The following RAB10 variants were observed in gnomAD, a reference collection of about 807,000 sequenced individuals.
RAB10 encodes the protein ras-related protein Rab-10.
In RAB10, 5 loss-of-function variants were observed where a neutral mutation model predicts 25.7. The observed-to-expected ratio is 0.19, with a 90% CI of 0.10 to 0.41. The LOEUF is 0.41. Ranked by LOEUF, RAB10 falls within the 10% of genes least tolerant of loss-of-function variation. RAB10 has a pLI of 1.00. For missense variants in RAB10, 103 were observed against 245.8 expected, an observed-to-expected ratio of 0.42 and a Z score of 3.89; for synonymous variants, 89 against 86.4, an observed-to-expected ratio of 1.03 and a Z score of -0.16.
intron 1 of RAB10, among the ~76,000 whole-genome samples, chr2:26,073,161 A>G (rs1419496277): frequency 1.3e-5 from 2 of 152,336 alleles, no homozygotes; most frequent in South Asian, 2.1e-4. Context: ...GAACCACTTC[A>G]GGTTTGATTT....
chr2:26,088,441 C>T (rs371182869), intron 1 of RAB10, among the ~76,000 whole-genome samples: 20 of 152,266 alleles, frequency 1.3e-4, no homozygotes, highest in East Asian at 1.2e-3. Context: ...CCTGTGATTT[C>T]TGTGCTAATT....
intron 1 of RAB10, among the ~76,000 whole-genome samples, chr2:26,074,925 CAT>C (rs758331629): frequency 2.2e-4 from 33 of 152,274 alleles, no homozygotes; most frequent in Admixed American, 4.6e-4. Context: ...ACGGGTCTGG[CAT>C]ATAGTAAGCA....
rs1189255145 is a variant in RAB10 at position 26,081,225 on chromosome 2, T to G, written c.128-17437T>G. ...GAAATGTAAGTCCATTAAACCTCTT[T>G]CAATAGTAAATTACCCAGCCTTGGG... On this transcript the variant is annotated intron_variant, in intron 1 of 5. Coordinates refer to ENST00000264710, the MANE Select transcript of RAB10 (RefSeq NM_016131.5). Among the ~76,000 whole-genome samples, 4 of 152,186 alleles carry G rather than the reference T, an allele frequency of 2.6e-5. No individual in the cohort carries two copies. The East Asian group carries it at 5.8e-4, about 22-fold the overall frequency.
chr2:26,064,278 C>T lies in RAB10; in HGVS notation c.127+29543C>T, dbSNP rs565436977. 4.4e-4 allele frequency among the ~76,000 whole-genome samples: 67 copies of T among 152,176 alleles called. 2 individuals carry two copies. In the South Asian group the frequency reaches 0.013, roughly 29 times the overall value. On this transcript the variant is annotated intron_variant, in intron 1 of 5. Coordinates refer to ENST00000264710, the MANE Select transcript of RAB10 (RefSeq NM_016131.5). ...AAGCTTTTGCTTTGGTGATTGCAGA[C>T]GTTTATTTTTGCTTTAATGAATACA...
chr2:26,130,932 T>C (rs369517999), intron 5 of RAB10, among the ~76,000 whole-genome samples: 41 of 152,210 alleles, frequency 2.7e-4, no homozygotes, highest in African/African-American at 9.9e-4. Context: ...GAAACGCTCT[T>C]GTCTCTGTGT....
intron 1 of RAB10, among the ~76,000 whole-genome samples, chr2:26,055,026 CTTT>C (rs11286148): frequency 6.7e-6 from 1 of 149,810 alleles, no homozygotes; most frequent in Non-Finnish European, 1.5e-5. Flanking sequence ...TGAGCATAGT[CTTT>C]TTTTTTTACA....
intron 3 of RAB10, among the ~76,000 whole-genome samples, chr2:26,119,938 G>A (rs1469993074): frequency 2.6e-5 from 4 of 152,190 alleles, no homozygotes; most frequent in Non-Finnish European, 5.9e-5. Flanking sequence ...GAGTTGGCGT[G>A]GAGGTGTAGT....
At chr2:26,056,415 T>C (rs546891740) in intron 1 of RAB10, among the ~76,000 whole-genome samples, 7 of 152,068 alleles carry the variant, frequency 4.6e-5, no homozygotes, top group African/African-American at 1.7e-4. Flanking sequence ...GCCAGTATGG[T>C]CTCAATCTCC....
At chr2:26,057,978 C>T (rs1051488094) in intron 1 of RAB10, among the ~76,000 whole-genome samples, 47 of 152,088 alleles carry the variant, frequency 3.1e-4, no homozygotes, top group African/African-American at 1.1e-3. Flanking sequence ...GGGCTGATAA[C>T]CCCTACTTTG....
intron 2 of RAB10, among the ~76,000 whole-genome samples, chr2:26,107,343 CTT>C (rs1667486273): frequency 6.6e-6 from 1 of 151,422 alleles, no homozygotes; most frequent in Non-Finnish European, 1.5e-5. Context: ...ATTAATTAGA[CTT>C]TCACAAAATT....
chr2:26,055,547 C>T lies in RAB10; in HGVS notation c.127+20812C>T, dbSNP rs912913591. Among the ~76,000 whole-genome samples, 7 of 152,100 alleles carry T rather than the reference C, an allele frequency of 4.6e-5. No individual in the cohort carries two copies. The East Asian group carries it at 1.4e-3, about 29-fold the overall frequency. ...GGACTACAGGTGCACACCACTGCGC[C>T]CAGCTAATTTTTTGTATTTTTAGTA... On this transcript the variant is annotated intron_variant, in intron 1 of 5. Transcript: ENST00000264710.
intron 1 of RAB10, among the ~76,000 whole-genome samples, chr2:26,067,676 G>A (rs945935749): frequency 6.6e-6 from 1 of 152,222 alleles, no homozygotes; most frequent in Non-Finnish European, 1.5e-5. Context: ...AAAAGAGGCA[G>A]ACTACCACTA....
chr2:26,079,000 G>A (rs1207672668), intron 1 of RAB10, among the ~76,000 whole-genome samples: 1 of 152,110 alleles, frequency 6.6e-6, no homozygotes, highest in Admixed American at 6.6e-5. Context: ...CCATTCTGGT[G>A]ACATGATAAA....
At chr2:26,131,288 C>A (rs1366315175) in intron 5 of RAB10, among the ~76,000 whole-genome samples, 1 of 152,042 alleles carries the variant, frequency 6.6e-6, no homozygotes, top group Non-Finnish European at 1.5e-5. Context: ...AAAAAAAAAT[C>A]ACACACAACA....
At chr2:26,095,606 CAA>C (rs894230727) in intron 1 of RAB10, among the ~76,000 whole-genome samples, 2 of 125,064 alleles carry the variant, frequency 1.6e-5, no homozygotes, top group Non-Finnish European at 1.7e-5. Flanking sequence ...GACTCCGTCT[CAA>C]AAAAAAAAAA....
chr2:26,041,536 G>A lies in RAB10; in HGVS notation c.127+6801G>A, dbSNP rs1328446266. On this transcript the variant is annotated intron_variant, in intron 1 of 5. Coordinates refer to ENST00000264710, the MANE Select transcript of RAB10 (RefSeq NM_016131.5). ...CAAGCCTGGGTGACAAGAGTGAGAC[G>A]CTGACTCAAAAAAAAAAAAAAAAAA... Among the ~76,000 whole-genome samples the A allele has an allele frequency of 3.3e-5, 4 of 121,086 alleles. No homozygotes were observed. The Admixed American group carries it at 4.1e-4, about 12-fold the overall frequency. The allele number at this position is 121,086 out of a possible 152,430, so 79.4% of individuals were successfully genotyped here. A position where few individuals can be genotyped will look rare whatever the true frequency, so the allele number is the denominator to read the frequency against.
chr2:26,048,666 G>A lies in RAB10; in HGVS notation c.127+13931G>A, dbSNP rs529890601. Reference sequence around the variant, plus strand: ...CACTTTGGGAGGCCTAGGTGGGTGAGTTGTTTGAGACTAGCTTGGGCAACA... The same window carrying A: ...CACTTTGGGAGGCCTAGGTGGGTGAATTGTTTGAGACTAGCTTGGGCAACA... On this transcript the variant is annotated intron_variant, in intron 1 of 5. Coordinates refer to ENST00000264710, the MANE Select transcript of RAB10 (RefSeq NM_016131.5). Among the ~76,000 whole-genome samples the A allele has an allele frequency of 9.2e-5, 14 of 152,192 alleles. No individual in the cohort carries two copies. In the South Asian group the frequency reaches 2.7e-3, roughly 29 times the overall value.
intron 5 of RAB10, among the ~76,000 whole-genome samples, chr2:26,130,316 T>C (rs1261803343): frequency 1.3e-5 from 2 of 152,090 alleles, no homozygotes; most frequent in Non-Finnish European, 2.9e-5. Context: ...TTCCTTTTTT[T>C]TTTCTTTTTG....
At chr2:26,095,737 C>T (rs901971183) in intron 1 of RAB10, among the ~76,000 whole-genome samples, 7 of 151,968 alleles carry the variant, frequency 4.6e-5, no homozygotes, top group East Asian at 1.9e-4. Flanking sequence ...CATATTGGGA[C>T]GTCGTTTCTA....
Sources: allele counts gnomAD v4.1 joint callset (sites outside exome capture counted in the v4.1 genomes callset), GRCh38; gene constraint gnomAD v4.1.1; transcripts MANE v1.5; gene names NCBI Gene and HGNC (gene_info 2026-07-23, HGNC 2026-07-21).